PCDHA2: variants seen among roughly 807,000 people sequenced by gnomAD.
PCDHA2 encodes the protein protocadherin alpha 2, also known as protocadherin alpha-2.
A neutral mutation model predicts 66.0 loss-of-function variants in PCDHA2; 58 were observed. The ratio of observed to expected loss-of-function variants is 0.88; its 90% CI spans 0.71 to 1.09. The LOEUF is 1.09. PCDHA2 is among the 50% of genes least tolerant of loss of function. The pLI is 0.00. For synonymous variants in PCDHA2, 634 were observed against 554.0 expected, an observed-to-expected ratio of 1.14 and a Z score of -2.03; for missense variants, 1,267 against 1,242.3, an observed-to-expected ratio of 1.02 and a Z score of -0.30.
intron 1 of PCDHA2, chr5:140,884,206 C>A: frequency 6.2e-7 from 1 of 1,613,542 alleles, no homozygotes; most frequent in Admixed American, 1.7e-5. Flanking sequence ...CGCACCACCG[C>A]CTTCTGGTGC....
intron 1 of PCDHA2, chr5:140,841,829 T>A: frequency 1.2e-6 from 2 of 1,613,898 alleles, no homozygotes; most frequent in Non-Finnish European, 1.7e-6. Flanking sequence ...CGTGTTAACC[T>A]ACAGGCTTAG....
At chr5:140,822,922 C>A in intron 1 of PCDHA2, 1 of 1,614,270 alleles carries the variant, frequency 6.2e-7, no homozygotes, top group Non-Finnish European at 8.5e-7. Flanking sequence ...TGCCAACGGG[C>A]AGGTGACCTG....
At chr5:140,851,005 T>C in intron 1 of PCDHA2, 1 of 1,432,862 alleles carries the variant, frequency 7.0e-7, no homozygotes, top group Non-Finnish European at 9.2e-7. Flanking sequence ...ATCCAGCAGA[T>C]TTTTTTTCTG....
intron 1 of PCDHA2, chr5:140,836,303 G>C: frequency 6.2e-7 from 1 of 1,613,706 alleles, no homozygotes; most frequent in East Asian, 2.2e-5. Flanking sequence ...TAGATGAGAC[G>C]GACGCACCGC....
chr5:140,827,977 T>C, intron 1 of PCDHA2: 1 of 1,408,282 alleles, frequency 7.1e-7, no homozygotes, highest in Non-Finnish European at 9.6e-7. Context: ...CATCATTCCC[T>C]GACTGTTGAA....
chr5:140,927,236 T>G, intron 1 of PCDHA2: 1 of 1,614,120 alleles, frequency 6.2e-7, no homozygotes, highest in Non-Finnish European at 8.5e-7. Context: ...ATTCACGTCC[T>G]GGACACCAAT....
At position 140,852,929 on chromosome 5, in the gene PCDHA2, A is replaced by G. The variant is rs2150525659; in HGVS notation, c.2388+55577A>G. 9 of 654,866 alleles carry G rather than the reference A, an allele frequency of 1.4e-5. No individual in the cohort carries two copies. The Admixed American group carries it at 3.9e-4, about 29-fold the overall frequency. The allele number at this position is 654,866 out of a possible 1,614,324, so 40.6% of individuals were successfully genotyped here. A position where few individuals can be genotyped will look rare whatever the true frequency, so the allele number is the denominator to read the frequency against. Reference sequence around the variant, plus strand: ...AGTCTCGCTCTGTTGCCCAGGCTGGAGTGCAGTGGTGCCATCTTGGCTCAC... The same window carrying G: ...AGTCTCGCTCTGTTGCCCAGGCTGGGGTGCAGTGGTGCCATCTTGGCTCAC... On this transcript the variant is annotated intron_variant, in intron 1 of 3. Transcript: ENST00000526136.
chr5:140,808,702 G>T, intron 1 of PCDHA2: 3 of 1,612,168 alleles, frequency 1.9e-6, no homozygotes, highest in South Asian at 1.1e-5. Context: ...GCGCGCTGTC[G>T]AGCTACGTTT....
At chr5:140,823,460 C>A in intron 1 of PCDHA2, 1 of 1,613,408 alleles carries the variant, frequency 6.2e-7, no homozygotes, top group Non-Finnish European at 8.5e-7. Context: ...GACAACGCGC[C>A]GGCGCTGCTG....
At chr5:140,875,271 C>A (rs1256076154) in intron 1 of PCDHA2, 2 of 1,256,362 alleles carry the variant, frequency 1.6e-6, no homozygotes, top group Non-Finnish European at 2.1e-6. Flanking sequence ...GCTCTACACT[C>A]AGAAGGTGAA....
Position 140,796,481 on chromosome 5 carries a change from G to T in PCDHA2, c.1517G>T (p.Ser506Ile). 6.2e-7 allele frequency: 1 copy of T among 1,612,292 alleles called. No homozygotes were observed. The highest frequency in any genetic ancestry group is 2.2e-5 in the East Asian group (1 of 44,874). ...ERRVGERALSSYVSVHAESGK... is the reference protein window; with the variant it reads ...ERRVGERALSIYVSVHAESGK... ...CGGGTGGGCGAGCGCGCGTTGTCGA[G>T]CTACGTTTCGGTGCACGCGGAGAGC... Residue 506 changes from serine (S) to isoleucine (I), a missense_variant, in exon 1 of 4, where the codon AGC becomes ATC. Ser to Ile is a moderately radical substitution (Grantham distance 142, BLOSUM62 -2). Coordinates refer to ENST00000526136, the MANE Select transcript of PCDHA2 (RefSeq NM_018905.3).
At chr5:140,993,460 TCTCACACACACACA>T (rs1441171729) in intron 3 of PCDHA2, among the ~76,000 whole-genome samples, 1 of 104,506 alleles carries the variant, frequency 9.6e-6, no homozygotes, top group Non-Finnish European at 1.9e-5. Flanking sequence ...CTTCTTTCTT[TCTCACACACACACA>T]CACACACACA....
At chr5:140,896,501 T>G (rs1279439158) in intron 1 of PCDHA2, among the ~76,000 whole-genome samples, 4 of 152,048 alleles carry the variant, frequency 2.6e-5, no homozygotes, top group Non-Finnish European at 4.4e-5. Flanking sequence ...TAGCTGGGAC[T>G]GTGCAGGCAC....
Position 140,842,679 on chromosome 5 carries a change from C to T in PCDHA2, c.2388+45327C>T, listed in dbSNP as rs2150341829. 264 of 1,595,330 alleles carry T rather than the reference C, an allele frequency of 1.7e-4. 16 individuals are homozygous for T. The South Asian group carries it at 1.9e-3, about 12-fold the overall frequency. ...GTGGCCGACGTGAACGACAATGCTCCGGCGTTCGCGCAGCCCGAGTACACG... is the reference window on the plus strand; with the variant it reads ...GTGGCCGACGTGAACGACAATGCTCTGGCGTTCGCGCAGCCCGAGTACACG... On this transcript the variant is annotated intron_variant, in intron 1 of 3. Coordinates refer to ENST00000526136, the MANE Select transcript of PCDHA2 (RefSeq NM_018905.3).
intron 1 of PCDHA2, chr5:140,864,139 T>C (rs2048337993): frequency 6.6e-6 from 1 of 152,226 alleles, no homozygotes; most frequent in South Asian, 2.1e-4. Context: ...GGCTGTTTCC[T>C]GTAAATGAGA....
Position 140,796,923 on chromosome 5 carries a change from C to A in PCDHA2, c.1959C>A (p.Asp653Glu), listed in dbSNP as rs781882818. 9.3e-6 allele frequency: 15 copies of A among 1,613,854 alleles called. No homozygotes were observed. The South Asian group carries it at 1.6e-4, about 18-fold the overall frequency. ...PRHRLLVLVK[D>E]HGEPALTATA... is the part of the protein sequence containing the mutation. ...ACCGCCTACTCGTGCTGGTGAAGGA[C>A]CACGGCGAACCAGCGTTGACAGCCA... The change falls in exon 1 of 4, where the codon GAC (aspartate) becomes GAA (glutamate). Residue 653 changes from aspartate to glutamate, a missense_variant. Transcript: ENST00000526136.
rs1166002941 is a variant in PCDHA2 at position 141,000,351 on chromosome 5, G to A, written c.2537-9276G>A. ...ACAGCAAGGCCCTATCTCTCTCTCT[G>A]TCTCTCTCTGTCTCTCTCTCTCTCT... On this transcript the variant is annotated intron_variant, in intron 3 of 3. Transcript: ENST00000526136. Among the ~76,000 whole-genome samples the A allele has an allele frequency of 6.0e-5, 4 of 66,852 alleles. No homozygotes were observed. The Admixed American group carries it at 6.5e-4, about 11-fold the overall frequency. 43.9% of individuals were successfully genotyped at this position (66,852 alleles called of 152,430 possible).
intron 1 of PCDHA2, among the ~76,000 whole-genome samples, chr5:140,917,503 T>G (rs1423295268): frequency 6.6e-6 from 1 of 152,208 alleles, no homozygotes; most frequent in African/African-American, 2.4e-5. Flanking sequence ...AGAATGATAT[T>G]TTCTAGGTTT....
chr5:140,802,135 G>A (rs1554121883), intron 1 of PCDHA2: 2 of 1,614,198 alleles, frequency 1.2e-6, no homozygotes, highest in Non-Finnish European at 1.7e-6. Context: ...TTCGAGGAAA[G>A]TAAGTCATAT....
Sources: gnomAD v4.1 joint callset for allele counts (sites outside exome capture counted in the v4.1 genomes callset) on GRCh38, gnomAD v4.1.1 for gene constraint, MANE v1.5 for transcripts, NCBI Gene and HGNC (gene_info 2026-07-23, HGNC 2026-07-21) for gene names.